The following ANKRD44 variants were observed in gnomAD, a reference collection of about 807,000 sequenced individuals.
The protein encoded by ANKRD44 is ankyrin repeat domain 44.
ANKRD44 carries 35 observed loss-of-function variants against 116.0 expected under a neutral mutation model. That is an observed-to-expected ratio of 0.30 (90% CI 0.23 to 0.40). The LOEUF (loss-of-function observed/expected upper bound fraction) is 0.40, where lower values mean the gene tolerates loss of function less well. Ranked by LOEUF, ANKRD44 falls within the 10% of genes least tolerant of loss-of-function variation. The pLI is 1.00. For missense variants in ANKRD44, 1,014 were observed against 1,242.6 expected, an observed-to-expected ratio of 0.82 and a Z score of 2.77; for synonymous variants, 435 against 461.8, an observed-to-expected ratio of 0.94 and a Z score of 0.74.
rs532256393 is a variant in ANKRD44 at position 197,223,470 on chromosome 2, C to T, written c.28-36364G>A. Among the ~76,000 whole-genome samples the T allele has an allele frequency of 1.4e-4, 21 of 152,284 alleles. No individual in the cohort carries two copies. The South Asian group carries it at 3.5e-3, about 26-fold the overall frequency. On this transcript the variant is annotated intron_variant, in intron 1 of 27. Coordinates refer to ENST00000282272, the MANE Select transcript of ANKRD44 (RefSeq NM_001195144.2). ...TTGGGGATTTATTCATGTTGATACA[C>T]GCATTGCTAGTTCATTCATTTTCAC... is the stretch of plus-strand genomic sequence containing the variant.
rs186163034 is a variant in ANKRD44, at chr2:197,286,153, C to A, written c.27+24425G>T. On this transcript the variant is annotated intron_variant, in intron 1 of 27. Coordinates refer to ENST00000282272, the MANE Select transcript of ANKRD44 (RefSeq NM_001195144.2). The stretch of plus-strand genomic sequence containing the variant: ...CATGACACTATTAAGGCATATTACC[C>A]TTTCCAAACATCTTTTGCTTCAAAA... 7.4e-4 allele frequency among the ~76,000 whole-genome samples: 112 copies of A among 152,308 alleles called. 1 individual carries two copies. Among genetic ancestry groups the A allele is most frequent in the African/African-American group, 2.5e-3 (102 of 41,566 alleles).
At chr2:197,113,863 G>A (rs1362636775) in intron 8 of ANKRD44, among the ~76,000 whole-genome samples, 1 of 152,172 alleles carries the variant, frequency 6.6e-6, no homozygotes, top group East Asian at 1.9e-4. Flanking sequence ...CCTGAGTCCA[G>A]GCTATAGCTG....
chr2:197,048,869 T>C (rs1366602061), intron 16 of ANKRD44, among the ~76,000 whole-genome samples: 3 of 152,228 alleles, frequency 2.0e-5, no homozygotes, highest in Non-Finnish European at 4.4e-5. Flanking sequence ...TTTTTAATGA[T>C]TGCCATTCTA....
intron 2 of ANKRD44, among the ~76,000 whole-genome samples, chr2:197,165,222 G>A (rs955048555): frequency 1.6e-4 from 25 of 152,178 alleles, no homozygotes; most frequent in African/African-American, 6.0e-4. Context: ...TAAACAAGAT[G>A]GCACCATCGG....
chr2:197,272,528 G>A (rs1236855139), intron 1 of ANKRD44, among the ~76,000 whole-genome samples: 5 of 152,178 alleles, frequency 3.3e-5, no homozygotes, highest in Non-Finnish European at 7.3e-5. Flanking sequence ...GAGCCAATGC[G>A]CCTGGCCAAT....
chr2:197,267,181 G>T (rs893982101), intron 1 of ANKRD44, among the ~76,000 whole-genome samples: 1 of 152,184 alleles, frequency 6.6e-6, no homozygotes, highest in African/African-American at 2.4e-5. Context: ...ACCATCTTGA[G>T]AAAATTATAA....
In ANKRD44 at chr2:197,197,565, C is replaced by T. The variant is rs147337836; in HGVS notation, c.28-10459G>A. Reference sequence around the variant, plus strand: ...GTAGCTCATGCTTGTAATCCCAACACTTTGGGAGACCAAGGCAGGCGGATC... The same window carrying T: ...GTAGCTCATGCTTGTAATCCCAACATTTTGGGAGACCAAGGCAGGCGGATC... On this transcript the variant is annotated intron_variant, in intron 1 of 27. Coordinates refer to ENST00000282272, the MANE Select transcript of ANKRD44 (RefSeq NM_001195144.2). 3.0e-3 allele frequency among the ~76,000 whole-genome samples: 460 copies of T among 152,212 alleles called. 2 individuals carry two copies. The highest frequency in any genetic ancestry group is 7.7e-3 in the African/African-American group (320 of 41,536).
At chr2:197,021,132 CT>C (rs1010346706) in intron 17 of ANKRD44, among the ~76,000 whole-genome samples, 1 of 152,128 alleles carries the variant, frequency 6.6e-6, no homozygotes, top group Non-Finnish European at 1.5e-5. Context: ...TGAACTCATC[CT>C]TTTTTATGGC....
At chr2:197,039,056 C>A (rs899790599) in intron 16 of ANKRD44, among the ~76,000 whole-genome samples, 6 of 152,110 alleles carry the variant, frequency 3.9e-5, no homozygotes, top group African/African-American at 1.2e-4. Context: ...TTTTCCCAAG[C>A]AAAATAAAAA....
At position 197,125,852 on chromosome 2, in the gene ANKRD44, C is replaced by G; in HGVS notation, c.447G>C (p.Leu149=). The G allele has an allele frequency of 1.9e-6, 3 of 1,614,044 alleles. No homozygotes were observed. Among genetic ancestry groups the G allele is most frequent in the Non-Finnish European group, 2.5e-6 (3 of 1,180,048 alleles). ...AAATACCCACCTCCACGTGGCCGTT[C>G]AGAGCCGCATGGTGCAAGGCTGTGC... is the stretch of plus-strand genomic sequence containing the variant. ...GGRTALHHAA[L]NGHVEMVNLL... The change falls in exon 5 of 28, where the codon CTG becomes CTC. Residue 149 remains leucine, a synonymous_variant. Transcript: ENST00000282272.
intron 16 of ANKRD44, among the ~76,000 whole-genome samples, chr2:197,048,004 G>T (rs1414359597): frequency 6.6e-6 from 1 of 151,780 alleles, no homozygotes; most frequent in African/African-American, 2.4e-5. Flanking sequence ...GAAAAACAAA[G>T]ACAAAAACCC....
At chr2:197,211,038 G>T (rs1236355741) in intron 1 of ANKRD44, among the ~76,000 whole-genome samples, 1 of 152,118 alleles carries the variant, frequency 6.6e-6, no homozygotes, top group Admixed American at 6.5e-5. Context: ...CGGGCCAGGA[G>T]GACCCCCTGC....
intron 4 of ANKRD44, among the ~76,000 whole-genome samples, chr2:197,132,092 C>T (rs140295846): frequency 6.6e-6 from 1 of 152,198 alleles, no homozygotes; most frequent in East Asian, 1.9e-4. Context: ...TCTTCACAGC[C>T]TAGGGAGTAC....
chr2:197,192,895 T>C (rs568276180), intron 1 of ANKRD44, among the ~76,000 whole-genome samples: 1 of 152,140 alleles, frequency 6.6e-6, no homozygotes, highest in Non-Finnish European at 1.5e-5. Context: ...ATACATTTTT[T>C]AAAAAATCAG....
chr2:197,045,693 A>G (rs1164980339), intron 16 of ANKRD44, among the ~76,000 whole-genome samples: 1 of 152,208 alleles, frequency 6.6e-6, no homozygotes, highest in African/African-American at 2.4e-5. Context: ...TTCCTTTAAA[A>G]TGAACTTTTA....
chr2:197,027,702 T>A (rs1190265372), intron 16 of ANKRD44, among the ~76,000 whole-genome samples: 2 of 101,152 alleles, frequency 2.0e-5, no homozygotes, highest in African/African-American at 3.5e-5. Flanking sequence ...TTTTTTTTTT[T>A]AAGAGACAGG....
intron 1 of ANKRD44, among the ~76,000 whole-genome samples, chr2:197,270,470 T>TA (rs780094644): frequency 6.6e-6 from 1 of 151,862 alleles, no homozygotes; most frequent in Non-Finnish European, 1.5e-5. Context: ...AAGTGACAAA[T>TA]ATAGGAGTAA....
At position 197,036,479 on chromosome 2, in the gene ANKRD44, G is replaced by A. The variant is rs957557053; in HGVS notation, c.1651-11212C>T. Among the ~76,000 whole-genome samples, 10 of 152,014 alleles carry A rather than the reference G, an allele frequency of 6.6e-5. No individual in the cohort carries two copies. The South Asian group carries it at 2.1e-3, about 32-fold the overall frequency. On this transcript the variant is annotated intron_variant, in intron 16 of 27. Transcript: ENST00000282272. ...TTACCATGTTGGCCAGGCTGGTCTC[G>A]AACTCCTGACCTCAAATGATCCACC...
intron 1 of ANKRD44, among the ~76,000 whole-genome samples, chr2:197,274,022 T>G (rs1233355917): frequency 1.2e-5 from 1 of 86,436 alleles, no homozygotes. Flanking sequence ...TATATATATA[T>G]ATATATGAAT....
Sources: allele counts gnomAD v4.1 joint callset (sites outside exome capture counted in the v4.1 genomes callset), GRCh38; gene constraint gnomAD v4.1.1; transcripts MANE v1.5; gene names NCBI Gene and HGNC (gene_info 2026-07-23, HGNC 2026-07-21).